The following TRIM44 variants were observed in gnomAD, a reference collection of about 807,000 sequenced individuals.
TRIM44 encodes tripartite motif containing 44.
Under a neutral mutation model 37.4 loss-of-function variants are expected in TRIM44, and 13 were observed. The observed-to-expected ratio is 0.35, with a 90% CI of 0.23 to 0.55. The LOEUF is 0.55. Among genes scored for constraint, TRIM44 ranks in the 20% least tolerant of loss-of-function variants. The pLI, the probability that TRIM44 is intolerant of heterozygous loss-of-function variation, is 0.89. For synonymous variants in TRIM44, 175 were observed against 157.2 expected (o/e 1.11, Z -0.85); for missense variants, 426 against 437.2 (o/e 0.97, Z 0.23).
intron 4 of TRIM44, among the ~76,000 whole-genome samples, chr11:35,763,769 C>G (rs1024168319): frequency 6.6e-6 from 1 of 152,108 alleles, no homozygotes. Flanking sequence ...TGCCTTTGCT[C>G]GTAGCCTTCG....
At chr11:35,692,414 C>G (rs527598624) in intron 2 of TRIM44, among the ~76,000 whole-genome samples, 1 of 152,182 alleles carries the variant, frequency 6.6e-6, no homozygotes, top group African/African-American at 2.4e-5. Context: ...TTGAGTATCC[C>G]TTATCTGAAA....
intron 4 of TRIM44, 138 bp from the exon 5 acceptor site, chr11:35,806,220 G>T: frequency 1.2e-6 from 1 of 840,288 alleles, no homozygotes; most frequent in Non-Finnish European, 2.0e-6. Context: ...ACTTGCCTTT[G>T]GCCATATTGC....
chr11:35,739,614 C>T (rs147866683), intron 4 of TRIM44, among the ~76,000 whole-genome samples: 1 of 152,212 alleles, frequency 6.6e-6, no homozygotes, highest in Non-Finnish European at 1.5e-5. Context: ...CTCATTCTCA[C>T]ACAGTATCCT....
At chr11:35,707,697 A>C (rs1281935516) in intron 2 of TRIM44, among the ~76,000 whole-genome samples, 1 of 147,922 alleles carries the variant, frequency 6.8e-6, no homozygotes, top group African/African-American at 2.4e-5. Flanking sequence ...TGCTGGGAAA[A>C]CTGGCTAGCC....
chr11:35,768,737 C>G (rs1852828895), intron 4 of TRIM44, among the ~76,000 whole-genome samples: 1 of 152,136 alleles, frequency 6.6e-6, no homozygotes, highest in Non-Finnish European at 1.5e-5. Flanking sequence ...TGTAATAAAA[C>G]TAATTAAACA....
In TRIM44 at chr11:35,753,759, T is replaced by C. The variant is rs530341067; in HGVS notation, c.1007+18314T>C. ...TTTTTTTCTTCAGACAGAGTCTCGC[T>C]CTGTCACTCAGCAGGTTGCAGCGCA... On this transcript the variant is annotated intron_variant, in intron 4 of 4. Coordinates refer to ENST00000299413, the MANE Select transcript of TRIM44 (RefSeq NM_017583.6). 4.2e-4 allele frequency among the ~76,000 whole-genome samples: 64 copies of C among 151,878 alleles called. 1 individual carries two copies. In the South Asian group the frequency reaches 0.013, roughly 31 times the overall value.
intron 2 of TRIM44, among the ~76,000 whole-genome samples, chr11:35,691,683 TG>T (rs1851637331): frequency 6.6e-6 from 1 of 152,148 alleles, no homozygotes; most frequent in African/African-American, 2.4e-5. Flanking sequence ...CTTGCTGTGT[TG>T]CCCAGGCTGG....
At chr11:35,726,299 T>A in intron 3 of TRIM44, 136 bp downstream of exon 3, 1 of 1,162,144 alleles carries the variant, frequency 8.6e-7, no homozygotes, top group Non-Finnish European at 1.2e-6. Flanking sequence ...ACATGGTGTA[T>A]AAACCAGTAT....
chr11:35,786,433 A>C (rs746920945), intron 4 of TRIM44, among the ~76,000 whole-genome samples: 20 of 152,332 alleles, frequency 1.3e-4, no homozygotes, highest in Admixed American at 1.0e-3. Context: ...TCTTCTTTTA[A>C]CCAGGTGGAC....
intron 4 of TRIM44, among the ~76,000 whole-genome samples, chr11:35,738,449 A>G (rs1297439745): frequency 1.3e-5 from 2 of 152,216 alleles, no homozygotes; most frequent in Non-Finnish European, 2.9e-5. Context: ...GAGTTGACGG[A>G]TCCCTTTTTG....
intron 4 of TRIM44, among the ~76,000 whole-genome samples, chr11:35,759,497 A>T (rs1163423309): frequency 3.3e-5 from 5 of 151,948 alleles, no homozygotes; most frequent in Admixed American, 3.3e-4. Flanking sequence ...TCTTCTCTCA[A>T]CTCGTCAAAG....
At chr11:35,793,922 T>C (rs1853249738) in intron 4 of TRIM44, among the ~76,000 whole-genome samples, 1 of 152,200 alleles carries the variant, frequency 6.6e-6, no homozygotes, top group African/African-American at 2.4e-5. Flanking sequence ...TGTAAAGATT[T>C]GGATGAAGTG....
intron 2 of TRIM44, among the ~76,000 whole-genome samples, chr11:35,721,014 G>A (rs376661346): frequency 1.1e-4 from 16 of 150,492 alleles, no homozygotes; most frequent in East Asian, 3.9e-4. Flanking sequence ...AGCGATTCTC[G>A]TGCCTCAGCC....
In TRIM44 at chr11:35,754,101, G is replaced by A. The variant is rs549908281; in HGVS notation, c.1007+18656G>A. 2.0e-5 allele frequency among the ~76,000 whole-genome samples: 3 copies of A among 152,068 alleles called. No individual in the cohort carries two copies. In the South Asian group the frequency reaches 6.2e-4, roughly 32 times the overall value. On this transcript the variant is annotated intron_variant, in intron 4 of 4. Coordinates refer to ENST00000299413, the MANE Select transcript of TRIM44 (RefSeq NM_017583.6). The stretch of plus-strand genomic sequence containing the variant: ...TGAATACTTACTAAGTGACTAGTAA[G>A]TACTAAGCATTTTACATGTGAGTAT...
intron 2 of TRIM44, among the ~76,000 whole-genome samples, chr11:35,720,365 A>G (rs1037513811): frequency 1.3e-5 from 2 of 150,444 alleles, no homozygotes; most frequent in Non-Finnish European, 3.0e-5. Context: ...TGACTTCTGT[A>G]TATCAGTCTT....
chr11:35,766,465 G>T (rs553831148), intron 4 of TRIM44, among the ~76,000 whole-genome samples: 95 of 152,262 alleles, frequency 6.2e-4, no homozygotes, highest in Admixed American at 1.2e-3. Context: ...ACAAACCAGC[G>T]TACAATCTAA....
chr11:35,788,286 T>C (rs1175815366), intron 4 of TRIM44, among the ~76,000 whole-genome samples: 2 of 152,192 alleles, frequency 1.3e-5, no homozygotes, highest in Non-Finnish European at 2.9e-5. Context: ...AAAAGAGATC[T>C]TTGTTATGAC....
At chr11:35,770,778 A>T (rs1255541638) in intron 4 of TRIM44, among the ~76,000 whole-genome samples, 2 of 151,994 alleles carry the variant, frequency 1.3e-5, no homozygotes, top group African/African-American at 4.8e-5. Flanking sequence ...ACCCAGTGGG[A>T]GATAATTTGA....
chr11:35,793,198 GCTT>G (rs1183576507), intron 4 of TRIM44, among the ~76,000 whole-genome samples: 3 of 150,138 alleles, frequency 2.0e-5, no homozygotes, highest in Non-Finnish European at 4.4e-5. Context: ...TAGCTGTGCG[GCTT>G]CTTTTTTAAA....
Sources: gnomAD v4.1 joint callset for allele counts (sites outside exome capture counted in the v4.1 genomes callset) on GRCh38, gnomAD v4.1.1 for gene constraint, MANE v1.5 for transcripts, NCBI Gene and HGNC (gene_info 2026-07-23, HGNC 2026-07-21) for gene names.